The following BMPR1B variants were observed in gnomAD, a reference collection of about 807,000 sequenced individuals.
BMPR1B encodes the protein bone morphogenetic protein receptor type-1B.
In BMPR1B, 12 loss-of-function variants were observed where a neutral mutation model predicts 59.1. That is an observed-to-expected ratio of 0.20 (90% CI 0.13 to 0.33). BMPR1B has a LOEUF of 0.33. BMPR1B is among the 10% of genes least tolerant of loss of function. The pLI is 1.00. For synonymous variants in BMPR1B, 237 were observed against 207.3 expected (o/e 1.14, Z -1.23); for missense variants, 550 against 610.9 (o/e 0.90, Z 1.05).
At chr4:95,113,477 C>G (rs1229967873) in intron 4 of BMPR1B, among the ~76,000 whole-genome samples, 1 of 152,126 alleles carries the variant, frequency 6.6e-6, no homozygotes, top group African/African-American at 2.4e-5. Context: ...TAGACAAACC[C>G]ACAAATCATG....
Position 94,915,564 on chromosome 4 carries a change from A to T in BMPR1B, c.-113+39664A>T, listed in dbSNP as rs374407645. Among the ~76,000 whole-genome samples, 29 of 152,328 alleles carry T rather than the reference A, an allele frequency of 1.9e-4. No individual in the cohort carries two copies. In the South Asian group the frequency reaches 4.4e-3, roughly 23 times the overall value. ...CAGATGTTTCATCTTTTCTGTAATA[A>T]TACTTCCTCTTTAAAAATGTTTTTG... is the stretch of plus-strand genomic sequence containing the variant. On this transcript the variant is annotated intron_variant, in intron 2 of 12. Coordinates refer to ENST00000515059, the MANE Select transcript of BMPR1B (RefSeq NM_001203.3).
Position 95,120,715 on chromosome 4 carries a change from CTT to C in BMPR1B, c.350-3093_350-3092del, listed in dbSNP as rs1352654625. On this transcript the variant is annotated intron_variant, in intron 6 of 12. Coordinates refer to ENST00000515059, the MANE Select transcript of BMPR1B (RefSeq NM_001203.3). Reference sequence around the variant, plus strand: ...TCTTTCTCTCTTTCTCTCTCTCTCTCTTTCTCTCTCTCTCTTTCTGTCTGTCT... The same window carrying C: ...TCTTTCTCTCTTTCTCTCTCTCTCTCTCTCTCTCTCTCTTTCTGTCTGTCT... Among the ~76,000 whole-genome samples the C allele has an allele frequency of 2.7e-5, 4 of 145,708 alleles. No individual in the cohort carries two copies. In the East Asian group the frequency reaches 8.0e-4, roughly 29 times the overall value.
chr4:95,069,698 G>T (rs1031805720), intron 3 of BMPR1B, among the ~76,000 whole-genome samples: 1 of 152,116 alleles, frequency 6.6e-6, no homozygotes, highest in African/African-American at 2.4e-5. Context: ...GCATGGAATC[G>T]TGTCTGTTTC....
At chr4:94,827,733 G>A (rs954401624) in intron 1 of BMPR1B, among the ~76,000 whole-genome samples, 5 of 152,136 alleles carry the variant, frequency 3.3e-5, no homozygotes, top group Admixed American at 6.6e-5. Flanking sequence ...CCTATGATGT[G>A]AAAGATTTTA....
At chr4:94,776,903 C>G (rs183413572) in intron 1 of BMPR1B, among the ~76,000 whole-genome samples, 6 of 152,246 alleles carry the variant, frequency 3.9e-5, no homozygotes, top group Admixed American at 3.9e-4. Flanking sequence ...TTCCTTTATC[C>G]TTTCTCCTAA....
Position 94,758,419 on chromosome 4 carries a change from G to A in BMPR1B, c.-183+351G>A, listed in dbSNP as rs539479910. ...GCGGCGGGCGGGACACGTGCTTCGG[G>A]CTGTAGGGACGCCCCAAGGCAGGGA... On this transcript the variant is annotated intron_variant, in intron 1 of 12. Transcript: ENST00000515059. Among the ~76,000 whole-genome samples the A allele has an allele frequency of 8.1e-3, 1,227 of 152,188 alleles. 11 individuals are homozygous for A. Among genetic ancestry groups the A allele is most frequent in the Middle Eastern group, 0.038 (11 of 292 alleles).
chr4:95,110,029 T>C (rs1731518527), intron 4 of BMPR1B, among the ~76,000 whole-genome samples: 1 of 151,884 alleles, frequency 6.6e-6, no homozygotes, highest in Non-Finnish European at 1.5e-5. Flanking sequence ...CTTGTACCTC[T>C]CATTAGTCAT....
intron 2 of BMPR1B, among the ~76,000 whole-genome samples, chr4:94,882,310 A>G (rs911649989): frequency 1.3e-5 from 2 of 152,166 alleles, no homozygotes; most frequent in African/African-American, 4.8e-5. Flanking sequence ...TTCACTAAAT[A>G]TATTTTATGT....
intron 2 of BMPR1B, among the ~76,000 whole-genome samples, chr4:94,907,359 A>G (rs965157710): frequency 1.3e-5 from 2 of 152,086 alleles, no homozygotes; most frequent in African/African-American, 2.4e-5. Context: ...GAATCATGCT[A>G]TGTTAACAGG....
At chr4:94,789,152 TTG>T (rs1220937666) in intron 1 of BMPR1B, among the ~76,000 whole-genome samples, 1 of 152,168 alleles carries the variant, frequency 6.6e-6, no homozygotes, top group African/African-American at 2.4e-5. Flanking sequence ...CCAATTTTCG[TTG>T]CACATCACAA....
chr4:94,758,451 C>T (rs111448434), intron 1 of BMPR1B, among the ~76,000 whole-genome samples: 4,081 of 151,970 alleles, frequency 0.027, 149 homozygotes, highest in African/African-American at 0.079. Flanking sequence ...GGGAGTCGGA[C>T]CTGCGAGCGG....
chr4:95,041,209 G>A (rs1487661998), intron 3 of BMPR1B, among the ~76,000 whole-genome samples: 1 of 152,064 alleles, frequency 6.6e-6, no homozygotes, highest in South Asian at 2.1e-4. Context: ...ACCACACCTG[G>A]CTAATTTTTT....
intron 3 of BMPR1B, among the ~76,000 whole-genome samples, chr4:95,005,622 CCTTT>C (rs1326934957): frequency 6.6e-6 from 1 of 152,162 alleles, no homozygotes; most frequent in Non-Finnish European, 1.5e-5. Flanking sequence ...CCGGCTCCTT[CCTTT>C]CTTTCCTAGT....
intron 10 of BMPR1B, among the ~76,000 whole-genome samples, chr4:95,144,135 G>A (rs1188158110): frequency 6.6e-6 from 1 of 151,796 alleles, no homozygotes; most frequent in Non-Finnish European, 1.5e-5. Context: ...GAAAATTGTA[G>A]ACATTTTCAT....
intron 2 of BMPR1B, among the ~76,000 whole-genome samples, chr4:94,992,813 A>C (rs1721833295): frequency 2.0e-5 from 3 of 152,148 alleles, no homozygotes; most frequent in African/African-American, 7.2e-5. Context: ...TACAACCACC[A>C]ATCTTTACAC....
intron 3 of BMPR1B, among the ~76,000 whole-genome samples, chr4:95,075,784 C>T (rs1315744807): frequency 1.3e-5 from 2 of 152,086 alleles, no homozygotes; most frequent in African/African-American, 4.8e-5. Context: ...CAAGTAGGCA[C>T]TCAGATACAG....
At chr4:94,938,442 C>T (rs1339006547) in intron 2 of BMPR1B, among the ~76,000 whole-genome samples, 1 of 151,826 alleles carries the variant, frequency 6.6e-6, no homozygotes, top group Non-Finnish European at 1.5e-5. Flanking sequence ...TTGCAGTGAG[C>T]TGAGGTTGTA....
intron 2 of BMPR1B, among the ~76,000 whole-genome samples, chr4:94,934,929 T>C (rs893591995): frequency 2.6e-5 from 4 of 152,136 alleles, no homozygotes; most frequent in African/African-American, 9.7e-5. Flanking sequence ...AGGATCCCAA[T>C]TATTACAGAA....
intron 2 of BMPR1B, among the ~76,000 whole-genome samples, chr4:94,919,600 A>G (rs1728616872): frequency 6.6e-6 from 1 of 152,062 alleles, no homozygotes; most frequent in African/African-American, 2.4e-5. Context: ...AGAAGTCACT[A>G]AAACTTGATC....
Sources: gnomAD v4.1 joint callset for allele counts (sites outside exome capture counted in the v4.1 genomes callset) on GRCh38, gnomAD v4.1.1 for gene constraint, MANE v1.5 for transcripts, NCBI Gene and HGNC (gene_info 2026-07-23, HGNC 2026-07-21) for gene names.